Variants in GALNTL6 observed in about 807,000 individuals in gnomAD.
GALNTL6 encodes polypeptide N-acetylgalactosaminyltransferase like 6, also known as polypeptide N-acetylgalactosaminyltransferase-like 6.
GALNTL6 carries 46 observed loss-of-function variants against 73.7 expected under a neutral mutation model. The observed-to-expected ratio is 0.62, with a 90% CI of 0.49 to 0.80. GALNTL6 has a LOEUF of 0.80. Among genes scored for constraint, GALNTL6 ranks in the 30% least tolerant of loss-of-function variants. The pLI is 0.00. For synonymous variants in GALNTL6, 259 were observed against 263.7 expected (o/e 0.98, Z 0.17); for missense variants, 604 against 755.0 (o/e 0.80, Z 2.34).
In GALNTL6 at chr4:172,998,696, A is replaced by G. The variant is rs144675141; in HGVS notation, c.1372-10482A>G. On this transcript the variant is annotated intron_variant, in intron 10 of 12. Coordinates refer to ENST00000506823, the MANE Select transcript of GALNTL6 (RefSeq NM_001034845.3). ...CCTCCCCTACTGGATCCCTCTATGA[A>G]ATTTGACACTGCAGCTCACCCCTCC... 1.5e-4 allele frequency among the ~76,000 whole-genome samples: 23 copies of G among 152,166 alleles called. No homozygotes were observed. The East Asian group carries it at 4.4e-3, about 29-fold the overall frequency.
chr4:171,854,549 G>A (rs1258361830), intron 2 of GALNTL6, among the ~76,000 whole-genome samples: 1 of 152,120 alleles, frequency 6.6e-6, no homozygotes, highest in African/African-American at 2.4e-5. Context: ...TAAGTGAGAG[G>A]TACTTGGATA....
chr4:172,864,172 C>T (rs1198914899), intron 7 of GALNTL6, among the ~76,000 whole-genome samples: 2 of 152,192 alleles, frequency 1.3e-5, no homozygotes, highest in Non-Finnish European at 2.9e-5. Flanking sequence ...AGGTATCTCT[C>T]TATTAGCAGC....
chr4:172,906,875 G>C (rs1157465895), intron 8 of GALNTL6, among the ~76,000 whole-genome samples: 1 of 152,146 alleles, frequency 6.6e-6, no homozygotes, highest in Admixed American at 6.5e-5. Flanking sequence ...TCACTTGTTA[G>C]GTCAGACCTA....
At chr4:172,560,493 A>C (rs1736314429) in intron 5 of GALNTL6, among the ~76,000 whole-genome samples, 1 of 152,180 alleles carries the variant, frequency 6.6e-6, no homozygotes, top group Non-Finnish European at 1.5e-5. Context: ...TCTCAAAAAA[A>C]AAAGCAGAAA....
chr4:171,874,373 C>T (rs181659945), intron 2 of GALNTL6, among the ~76,000 whole-genome samples: 2 of 151,816 alleles, frequency 1.3e-5, no homozygotes, highest in Non-Finnish European at 2.9e-5. Context: ...TATTTTTAGT[C>T]GAGACAGGGT....
intron 2 of GALNTL6, among the ~76,000 whole-genome samples, chr4:171,944,086 G>C (rs904588795): frequency 1.3e-5 from 2 of 151,646 alleles, no homozygotes; most frequent in Non-Finnish European, 2.9e-5. Flanking sequence ...AATGATATCA[G>C]CAATCAAATG....
At chr4:172,256,318 C>T (rs1239589959) in intron 3 of GALNTL6, among the ~76,000 whole-genome samples, 1 of 151,372 alleles carries the variant, frequency 6.6e-6, no homozygotes, top group Non-Finnish European at 1.5e-5. Context: ...CGTCATTGTT[C>T]ACTTGAAATT....
At chr4:172,456,030 G>T (rs1032566283) in intron 5 of GALNTL6, among the ~76,000 whole-genome samples, 2 of 152,180 alleles carry the variant, frequency 1.3e-5, no homozygotes, top group Admixed American at 1.3e-4. Flanking sequence ...CTGTTCTGCA[G>T]CCTCTGCTGG....
chr4:172,078,940 T>G (rs1393574903), intron 2 of GALNTL6, among the ~76,000 whole-genome samples: 1 of 152,174 alleles, frequency 6.6e-6, no homozygotes, highest in African/African-American at 2.4e-5. Context: ...TCATTTATCA[T>G]AATAAGGCAT....
At chr4:172,094,078 A>C (rs1732283008) in intron 2 of GALNTL6, among the ~76,000 whole-genome samples, 1 of 152,162 alleles carries the variant, frequency 6.6e-6, no homozygotes, top group Admixed American at 6.5e-5. Context: ...ATTAGTTAAA[A>C]TTTTCGCTCA....
At chr4:171,969,325 T>C (rs575838077) in intron 2 of GALNTL6, among the ~76,000 whole-genome samples, 2 of 152,212 alleles carry the variant, frequency 1.3e-5, no homozygotes, top group African/African-American at 4.8e-5. Context: ...GTTTGCACTA[T>C]GGCAAACACT....
chr4:172,548,841 G>GT (rs1314790100), intron 5 of GALNTL6, among the ~76,000 whole-genome samples: 1 of 152,036 alleles, frequency 6.6e-6, no homozygotes, highest in African/African-American at 2.4e-5. Context: ...GTATGTATAT[G>GT]TTTTTCCAAT....
At chr4:172,965,606 A>T (rs367899520) in intron 10 of GALNTL6, among the ~76,000 whole-genome samples, 1 of 149,702 alleles carries the variant, frequency 6.7e-6, no homozygotes, top group African/African-American at 2.5e-5. Flanking sequence ...AATAAAAATT[A>T]AAAGTAAAAA....
In GALNTL6 at chr4:172,481,056, G is replaced by A. The variant is rs376364421; in HGVS notation, c.553+132367G>A. Among the ~76,000 whole-genome samples, 10 of 152,286 alleles carry A rather than the reference G, an allele frequency of 6.6e-5. No individual in the cohort carries two copies. The East Asian group carries it at 7.7e-4, about 12-fold the overall frequency. Reference sequence around the variant, plus strand: ...CAAGAATGAAGCCGTGGACTATCGCGGTGAGTGTTACAGTTCTTAAAGGTG... The same window carrying A: ...CAAGAATGAAGCCGTGGACTATCGCAGTGAGTGTTACAGTTCTTAAAGGTG... On this transcript the variant is annotated intron_variant, in intron 5 of 12. Transcript: ENST00000506823.
chr4:172,936,050 A>C (rs1233420496), intron 9 of GALNTL6, among the ~76,000 whole-genome samples: 2 of 152,184 alleles, frequency 1.3e-5, no homozygotes, highest in Non-Finnish European at 2.9e-5. Context: ...CTGGCAAACC[A>C]AATCCAGCAG....
At chr4:172,366,976 G>T (rs1381801723) in intron 5 of GALNTL6, among the ~76,000 whole-genome samples, 1 of 152,152 alleles carries the variant, frequency 6.6e-6, no homozygotes, top group Non-Finnish European at 1.5e-5. Context: ...TTCCACCAAG[G>T]AATTAGAATT....
chr4:172,992,294 G>T (rs938759787), intron 10 of GALNTL6, among the ~76,000 whole-genome samples: 8 of 152,308 alleles, frequency 5.3e-5, no homozygotes, highest in African/African-American at 1.9e-4. Flanking sequence ...CAGGCAAGAA[G>T]ACACCTATCA....
intron 5 of GALNTL6, among the ~76,000 whole-genome samples, chr4:172,605,938 G>A (rs1331906840): frequency 6.6e-6 from 1 of 152,056 alleles, no homozygotes; most frequent in East Asian, 1.9e-4. Flanking sequence ...AGGAGCTGAA[G>A]AGGCCAGGCT....
intron 2 of GALNTL6, among the ~76,000 whole-genome samples, chr4:172,186,439 A>ACATTGG (rs1735416721): frequency 2.0e-5 from 3 of 152,240 alleles, no homozygotes; most frequent in Admixed American, 2.0e-4. Flanking sequence ...TAGAAAGAAT[A>ACATTGG]AAAAATTGGA....
Sources: allele counts gnomAD v4.1 joint callset (sites outside exome capture counted in the v4.1 genomes callset), GRCh38; gene constraint gnomAD v4.1.1; transcripts MANE v1.5; gene names NCBI Gene and HGNC (gene_info 2026-07-23, HGNC 2026-07-21).